ZMYND11: variants seen among roughly 807,000 people sequenced by gnomAD.
ZMYND11 encodes the protein zinc finger MYND domain-containing protein 11.
A neutral mutation model predicts 84.9 loss-of-function variants in ZMYND11; 9 were observed. That is an observed-to-expected ratio of 0.11 (90% confidence interval 0.06 to 0.18). The LOEUF is 0.18. Ranked by LOEUF, ZMYND11 falls within the 10% of genes least tolerant of loss-of-function variation. ZMYND11 has a pLI of 1.00. For missense variants in ZMYND11, 409 were observed against 761.0 expected (o/e 0.54, Z 5.44); for synonymous variants, 250 against 244.1 (o/e 1.02, Z -0.23).
chr10:134,581 T>C (rs1835460488), upstream of ZMYND11: 1 of 152,238 alleles, frequency 6.6e-6, no homozygotes, highest in Admixed American at 6.5e-5. Context: ...CTACCGCTCT[T>C]TTTGATGACA....
At chr10:142,987 A>G (rs1044498800) in intron 1 of ZMYND11, among the ~76,000 whole-genome samples, 1 of 152,220 alleles carries the variant, frequency 6.6e-6, no homozygotes, top group Non-Finnish European at 1.5e-5. Context: ...TAATACTCAC[A>G]TAATGGTGAA....
At chr10:206,885 ACAATGTG>A (rs1944283216) in intron 2 of ZMYND11, among the ~76,000 whole-genome samples, 1 of 152,080 alleles carries the variant, frequency 6.6e-6, no homozygotes, top group African/African-American at 2.4e-5. Flanking sequence ...GTACATGTGC[ACAATGTG>A]CAGGTTTCAT....
intron 6 of ZMYND11, 73 bp from the exon 7 acceptor site, chr10:239,365 T>G: frequency 8.3e-7 from 1 of 1,203,984 alleles, no homozygotes; most frequent in Middle Eastern, 1.9e-4. Context: ...AGACTGCTTG[T>G]CCTGTGAACT....
In ZMYND11 at chr10:180,473, C is replaced by A. The variant is rs143890752; in HGVS notation, c.116+345C>A. Among the ~76,000 whole-genome samples the A allele has an allele frequency of 4.4e-3, 670 of 152,334 alleles. 1 individual carries two copies. Among genetic ancestry groups the A allele is most frequent in the African/African-American group, 0.015 (633 of 41,572 alleles). ...GGAGTGTGGTGACCCGATCTCAGCT[C>A]ATGGCAACCTCCGCTTCCCGGGTTC... On this transcript the variant is annotated intron_variant, in intron 2 of 14. Coordinates refer to ENST00000381604, the MANE Select transcript of ZMYND11 (RefSeq NM_001370100.5).
chr10:248,645 C>A (rs1347965308), intron 13 of ZMYND11, 37 bp downstream of exon 13: 1 of 1,561,268 alleles, frequency 6.4e-7, no homozygotes. Flanking sequence ...CCTGCTGCAG[C>A]CGGCACTCCT....
chr10:168,369 G>A lies in ZMYND11; in HGVS notation c.-19-11625G>A, dbSNP rs564219970. On this transcript the variant is annotated intron_variant, in intron 1 of 14. Coordinates refer to ENST00000381604, the MANE Select transcript of ZMYND11 (RefSeq NM_001370100.5). ...GTGGTATGTGTACCTGTGGTCCCTC[G>A]GGAGGCTGAGGTAGGAGGATTACCT... Among the ~76,000 whole-genome samples the A allele has an allele frequency of 2.6e-5, 4 of 152,036 alleles. No individual in the cohort carries two copies. The South Asian group carries it at 6.2e-4, about 24-fold the overall frequency.
At chr10:205,711 A>AG (rs1466307322) in intron 2 of ZMYND11, among the ~76,000 whole-genome samples, 1 of 151,972 alleles carries the variant, frequency 6.6e-6, no homozygotes, top group Non-Finnish European at 1.5e-5. Flanking sequence ...ATAAAAAAAA[A>AG]GGAGTTCCTG....
chr10:169,219 G>T (rs1285139111), intron 1 of ZMYND11, among the ~76,000 whole-genome samples: 1 of 152,056 alleles, frequency 6.6e-6, no homozygotes, highest in Non-Finnish European at 1.5e-5. Context: ...CCCACATAAG[G>T]GGGGAAACTG....
intron 1 of ZMYND11, among the ~76,000 whole-genome samples, chr10:136,962 T>G (rs927414471): frequency 1.3e-5 from 2 of 152,164 alleles, no homozygotes; most frequent in Non-Finnish European, 2.9e-5. Context: ...ACAGTGTATA[T>G]ACACTACCTG....
intron 1 of ZMYND11, among the ~76,000 whole-genome samples, chr10:159,152 CT>C (rs1160159426): frequency 6.7e-6 from 1 of 149,496 alleles, no homozygotes; most frequent in Non-Finnish European, 1.5e-5. Flanking sequence ...CTGTACTCCA[CT>C]GTATGGATGC....
intron 3 of ZMYND11, 95 bp downstream of exon 3, chr10:210,143 T>A: frequency 1.5e-6 from 2 of 1,336,956 alleles, no homozygotes; most frequent in Non-Finnish European, 2.1e-6. Context: ...TTCAGAAGTT[T>A]AATATTTCAT....
At chr10:173,938 G>A (rs781980890) in intron 1 of ZMYND11, among the ~76,000 whole-genome samples, 1 of 152,116 alleles carries the variant, frequency 6.6e-6, no homozygotes, top group East Asian at 1.9e-4. Flanking sequence ...CAATAGAAGC[G>A]CTCAGTCATT....
Position 252,206 on chromosome 10 carries a change from G to A in ZMYND11, c.1687-142G>A. 9.8e-7 allele frequency: 1 copy of A among 1,015,454 alleles called. No homozygotes were observed. The highest frequency in any genetic ancestry group is 1.4e-6 in the Non-Finnish European group (1 of 706,936). 62.9% of individuals were successfully genotyped at this position (1,015,454 alleles called of 1,614,324 possible). ...CCCCAGGGCTCCCTTTCCATCTGCT[G>A]TGCATAAAACGTATTCAGATTCCAC... On this transcript the variant is annotated intron_variant, in intron 14 of 14. Coordinates refer to ENST00000381604, the MANE Select transcript of ZMYND11 (RefSeq NM_001370100.5). The surrounding 1 kb of genome is among the most constrained non-coding windows in gnomAD (Gnocchi z 4.6).
intron 1 of ZMYND11, among the ~76,000 whole-genome samples, chr10:145,612 C>T (rs1838639406): frequency 6.6e-6 from 1 of 152,186 alleles, no homozygotes; most frequent in Admixed American, 6.6e-5. Context: ...GGTGGTACCT[C>T]ACTGTGGTTT....
intron 7 of ZMYND11, 163 bp from the exon 8 acceptor site, chr10:239,893 A>G (rs1950589830): frequency 3.4e-6 from 2 of 585,408 alleles, no homozygotes; most frequent in East Asian, 5.8e-5. Context: ...GATGGAAAAC[A>G]AAAGCTGCCT....
At chr10:206,575 ATCCTATACACT>A (rs1944211992) in intron 2 of ZMYND11, among the ~76,000 whole-genome samples, 1 of 152,086 alleles carries the variant, frequency 6.6e-6, no homozygotes, top group South Asian at 2.1e-4. Flanking sequence ...TGTTTTCCAA[ATCCTATACACT>A]TCCATCTTGA....
intron 1 of ZMYND11, among the ~76,000 whole-genome samples, chr10:174,854 A>G (rs547545275): frequency 1.1e-4 from 17 of 151,302 alleles, no homozygotes; most frequent in Admixed American, 3.9e-4. Context: ...GTCAGAACCC[A>G]TGGGCACTAC....
chr10:134,310 C>T (rs1835432165), upstream of ZMYND11, among the ~76,000 whole-genome samples: 8 of 152,160 alleles, frequency 5.3e-5, no homozygotes, highest in Admixed American at 5.2e-4. Context: ...AGGACTCTGA[C>T]TGACAGGTGT....
At chr10:202,735 CA>C (rs1475690709) in intron 2 of ZMYND11, among the ~76,000 whole-genome samples, 1 of 152,152 alleles carries the variant, frequency 6.6e-6, no homozygotes, top group African/African-American at 2.4e-5. Context: ...TTTAGTCCCT[CA>C]AAGACCAAAG....
Sources: allele counts gnomAD v4.1 joint callset (sites outside exome capture counted in the v4.1 genomes callset), GRCh38; gene constraint gnomAD v4.1.1; non-coding constraint Gnocchi (gnomAD v3.1); transcripts MANE v1.5; gene names NCBI Gene and HGNC (gene_info 2026-07-23, HGNC 2026-07-21).